The following C4orf50 variants were observed in gnomAD, a reference collection of about 807,000 sequenced individuals.
C4orf50 encodes chromosome 4 open reading frame 50.
C4orf50 carries 80 observed loss-of-function variants against 77.2 expected under a neutral mutation model. That is an observed-to-expected ratio of 1.04 (90% confidence interval 0.87 to 1.25). The LOEUF is 1.25. Ranked by LOEUF, C4orf50 falls within the 50% of genes most tolerant of loss-of-function variation. The pLI, the probability that C4orf50 is intolerant of heterozygous loss-of-function variation, is 0.00. For missense variants in C4orf50, 1,257 were observed against 1,152.9 expected (o/e 1.09, Z -1.31); for synonymous variants, 532 against 465.3 (o/e 1.14, Z -1.84).
intron 7 of C4orf50, among the ~76,000 whole-genome samples, chr4:5,913,172 G>C (rs983749381): frequency 6.6e-6 from 1 of 152,188 alleles, no homozygotes; most frequent in Admixed American, 6.5e-5. Context: ...TTCTTCCTCA[G>C]TTTTCCCATC....
At chr4:5,944,069 T>A (rs1718382196) in intron 7 of C4orf50, among the ~76,000 whole-genome samples, 1 of 152,160 alleles carries the variant, frequency 6.6e-6, no homozygotes, top group Non-Finnish European at 1.5e-5. Context: ...GCCACATGTC[T>A]CTGACATACA....
intron 7 of C4orf50, among the ~76,000 whole-genome samples, chr4:5,907,689 T>C (rs1716614947): frequency 6.6e-6 from 1 of 151,916 alleles, no homozygotes; most frequent in Non-Finnish European, 1.5e-5. Flanking sequence ...GTGCTCTAGA[T>C]TGAGTTGTTA....
At chr4:5,982,848 G>T (rs1330254426) in intron 28 of C4orf50, among the ~76,000 whole-genome samples, 1 of 152,110 alleles carries the variant, frequency 6.6e-6, no homozygotes, top group East Asian at 1.9e-4. Context: ...GGAGAAAGCT[G>T]GGTGCAGGGA....
chr4:5,914,964 TTGTC>T (rs1333327086), intron 7 of C4orf50, among the ~76,000 whole-genome samples: 6 of 152,238 alleles, frequency 3.9e-5, no homozygotes, highest in Non-Finnish European at 7.3e-5. Context: ...TTAACCTTGA[TTGTC>T]TGTCTGGTCA....
At chr4:5,966,382 A>G (rs6446418) in intron 32 of C4orf50, among the ~76,000 whole-genome samples, 100,980 of 151,682 alleles carry the variant, frequency 0.67, 34,389 homozygotes, top group African/African-American at 0.71. Context: ...GGCTGAGGCA[A>G]GAGAATTGCT....
At position 5,919,577 on chromosome 4, in the gene C4orf50, CT is replaced by C. The variant is rs1560541398; in HGVS notation, c.*2475-21390del. ...GAAGCATGGGTGGAGAGGATAGCTG[CT>C]GTCTCCAGAATCTCCCTTCCAATGC... On this transcript the variant is annotated intron_variant, in intron 7 of 7. Transcript: ENST00000324058. The surrounding 1 kb of genome is among the most constrained non-coding windows in gnomAD (Gnocchi z 6.5). 6.6e-6 allele frequency among the ~76,000 whole-genome samples: 1 copy of C among 152,194 alleles called. No homozygotes were observed. The highest frequency in any genetic ancestry group is 1.5e-5 in the Non-Finnish European group (1 of 68,024).
intron 7 of C4orf50, among the ~76,000 whole-genome samples, chr4:5,921,630 C>G (rs59312065): frequency 0.12 from 18,794 of 151,842 alleles, 2,249 homozygotes; most frequent in African/African-American, 0.31. Context: ...TCGGGAGGAG[C>G]CACCGGGTGG....
chr4:5,969,063 C>T (rs1029763504), intron 31 of C4orf50, among the ~76,000 whole-genome samples: 6 of 152,064 alleles, frequency 3.9e-5, no homozygotes, highest in African/African-American at 1.4e-4. Flanking sequence ...TCTCCATCTG[C>T]GGAACAGAAA....
chr4:5,984,925 G>C (rs28845792), intron 28 of C4orf50, among the ~76,000 whole-genome samples: 8 of 151,120 alleles, frequency 5.3e-5, no homozygotes, highest in Non-Finnish European at 1.2e-4. Flanking sequence ...GCACATTATA[G>C]TGAAGCTGCC....
chr4:5,943,706 C>G (rs976788478), intron 7 of C4orf50, among the ~76,000 whole-genome samples: 1 of 152,192 alleles, frequency 6.6e-6, no homozygotes, highest in African/African-American at 2.4e-5. Flanking sequence ...TATGAAGCCT[C>G]TAACACACCC....
At chr4:5,920,963 G>A (rs1187449735) in intron 7 of C4orf50, among the ~76,000 whole-genome samples, 1 of 118,952 alleles carries the variant, frequency 8.4e-6, no homozygotes, top group Non-Finnish European at 2.0e-5. Flanking sequence ...ATGCTTCCAG[G>A]AGTGGCAGGA....
chr4:5,911,527 C>T (rs895153126), intron 7 of C4orf50, among the ~76,000 whole-genome samples: 1 of 152,190 alleles, frequency 6.6e-6, no homozygotes, highest in Non-Finnish European at 1.5e-5. Context: ...AGCCTGGTTC[C>T]CTGGCTGCCT....
intron 7 of C4orf50, chr4:5,904,479 C>T (rs1716463724): frequency 6.6e-6 from 1 of 152,268 alleles, no homozygotes; most frequent in African/African-American, 2.4e-5. Context: ...AGCTTCCTGT[C>T]TGGCCAGAGC....
At chr4:5,961,819 C>T (rs894241323) in intron 33 of C4orf50, among the ~76,000 whole-genome samples, 8 of 149,174 alleles carry the variant, frequency 5.4e-5, no homozygotes, top group African/African-American at 2.1e-4. Flanking sequence ...GCTCTCTTCT[C>T]CTTTTTTTTT....
chr4:5,967,572 C>A lies in C4orf50; in HGVS notation c.4105-110G>T, dbSNP rs566675193. The A allele has an allele frequency of 3.6e-4, 345 of 965,126 alleles. 2 individuals carry two copies. The highest frequency in any genetic ancestry group is 2.7e-3 in the East Asian group (115 of 41,822). The allele number at this position is 965,126 out of a possible 1,614,324, so 59.8% of individuals were successfully genotyped here. On this transcript the variant is annotated intron_variant, in intron 31 of 33. Transcript: ENST00000531445. ...GGCCATCACCCCTCCCCGCAAAAAA[C>A]CGCTTTCTGTGTAGGACCAACCCTG... is the stretch of plus-strand genomic sequence containing the variant.
At chr4:5,993,674 G>A (rs9918066) in intron 26 of C4orf50, among the ~76,000 whole-genome samples, 37,516 of 151,716 alleles carry the variant, frequency 0.25, 5,347 homozygotes, top group East Asian at 0.61. Context: ...AAAGTTAGCC[G>A]GGCATGGTGG....
At chr4:5,945,804 C>T (rs937230007) in intron 7 of C4orf50, among the ~76,000 whole-genome samples, 2 of 152,198 alleles carry the variant, frequency 1.3e-5, no homozygotes, top group Non-Finnish European at 2.9e-5. Context: ...GCCGGGGCAT[C>T]TGCCCTCTGT....
intron 7 of C4orf50, among the ~76,000 whole-genome samples, chr4:5,930,054 A>ATGACAACCAGGTGTTGATAGAGAAAACAT (rs1177000847): frequency 3.3e-5 from 5 of 152,200 alleles, no homozygotes; most frequent in African/African-American, 1.2e-4. Flanking sequence ...TCTAGGCATG[A>ATGACAACCAGGTGTTGATAGAGAAAACAT]TGACAACCAG....
rs1230316540 is a variant in C4orf50, at chr4:5,994,401, CT to C, written c.1038del (p.Asp347ThrfsTer102). ...TTGGACCGCAGGGAGTTCCGCCAGTCTTGGCTTCTGCAGGGGTCCAGGGCCT... is the reference window on the plus strand; with the variant it reads ...TTGGACCGCAGGGAGTTCCGCCAGTCTGGCTTCTGCAGGGGTCCAGGGCCT... On this transcript the variant is annotated frameshift_variant, in exon 26 of 34. Transcript: ENST00000531445. LOFTEE classifies it high-confidence loss of function. 5.0e-5 allele frequency: 20 copies of C among 399,226 alleles called. No individual in the cohort carries two copies. The highest frequency in any genetic ancestry group is 1.3e-4 in the South Asian group (1 of 7,862). The allele number at this position is 399,226 out of a possible 1,614,324, so 24.7% of individuals were successfully genotyped here.
Sources: allele counts gnomAD v4.1 joint callset (sites outside exome capture counted in the v4.1 genomes callset), GRCh38; gene constraint gnomAD v4.1.1; non-coding constraint Gnocchi (gnomAD v3.1); transcripts MANE v1.5; gene names NCBI Gene and HGNC (gene_info 2026-07-23, HGNC 2026-07-21).